The following ATE1 variants were observed in gnomAD, a reference collection of about 807,000 sequenced individuals.
ATE1 encodes arginyl-tRNA--protein transferase 1.
ATE1 carries 36 observed loss-of-function variants against 70.5 expected under a neutral mutation model. The observed-to-expected ratio is 0.51, with a 90% CI of 0.39 to 0.67. The LOEUF is 0.67. Among genes scored for constraint, ATE1 ranks in the 30% least tolerant of loss-of-function variants. ATE1 has a pLI of 0.00. For missense variants in ATE1, 593 were observed against 629.5 expected (o/e 0.94, Z 0.62); for synonymous variants, 232 against 219.3 (o/e 1.06, Z -0.51).
At chr10:121,858,654 C>T (rs985841596) in intron 8 of ATE1, among the ~76,000 whole-genome samples, 570 of 13,142 alleles carry the variant, frequency 0.043, 8 homozygotes, top group Non-Finnish European at 0.051. Context: ...ATATTTTATA[C>T]ATATAATATA....
chr10:121,911,300 C>A (rs1012268311), intron 4 of ATE1, 149 bp from the exon 5 acceptor site: 22 of 1,019,394 alleles, frequency 2.2e-5, no homozygotes, highest in Middle Eastern at 3.0e-4. Flanking sequence ...AAGAGAGCTG[C>A]ACTTAAGACT....
intron 11 of ATE1, among the ~76,000 whole-genome samples, chr10:121,760,824 G>T (rs944408436): frequency 2.6e-5 from 4 of 152,224 alleles, no homozygotes; most frequent in African/African-American, 7.2e-5. Context: ...GAATGGAAGA[G>T]TTAACTGATG....
chr10:121,898,523 A>G (rs1221556510), intron 7 of ATE1, among the ~76,000 whole-genome samples: 2 of 152,182 alleles, frequency 1.3e-5, no homozygotes, highest in Non-Finnish European at 2.9e-5. Flanking sequence ...TCTTGAAGAC[A>G]GAGACTCCTT....
intron 7 of ATE1, among the ~76,000 whole-genome samples, chr10:121,879,131 A>G (rs1449641653): frequency 6.6e-6 from 1 of 151,654 alleles, no homozygotes; most frequent in Non-Finnish European, 1.5e-5. Context: ...TTTTTAAAAA[A>G]ACTTTCACAA....
intron 7 of ATE1, among the ~76,000 whole-genome samples, chr10:121,875,187 T>C (rs1950004345): frequency 6.8e-6 from 1 of 147,836 alleles, no homozygotes; most frequent in Non-Finnish European, 1.5e-5. Flanking sequence ...TACACTCCAA[T>C]ATAGTTAAAC....
chr10:121,896,207 A>C (rs757676623), intron 7 of ATE1, among the ~76,000 whole-genome samples: 2 of 152,222 alleles, frequency 1.3e-5, no homozygotes, highest in Non-Finnish European at 2.9e-5. Flanking sequence ...CAATTTCTTT[A>C]GCAAGAACAT....
Position 121,927,914 on chromosome 10 carries a change from C to T in ATE1, c.36G>A (p.Val12=), listed in dbSNP as rs1952169042. The T allele has an allele frequency of 1.9e-6, 3 of 1,589,812 alleles. No homozygotes were observed. The highest frequency in any genetic ancestry group is 2.6e-6 in the Non-Finnish European group (3 of 1,170,964). The change falls in exon 1 of 12, where the codon GTG becomes GTA. Residue 12 remains valine (V), a synonymous_variant. Transcript: ENST00000224652. ...AFWAGGSPSV[V]DYFPSEDFYR... ...AGAAGTCCTCGCTAGGGAAATAGTC[C>T]ACGACGCTGGGCGAACCCCCCGCCC...
intron 10 of ATE1, among the ~76,000 whole-genome samples, chr10:121,822,574 G>A (rs1441801097): frequency 1.3e-5 from 2 of 152,168 alleles, no homozygotes; most frequent in East Asian, 1.9e-4. Context: ...AGGTAGGTAA[G>A]AGACACGAAT....
intron 10 of ATE1, among the ~76,000 whole-genome samples, chr10:121,822,426 G>C (rs1947835739): frequency 6.6e-6 from 1 of 152,152 alleles, no homozygotes; most frequent in Non-Finnish European, 1.5e-5. Flanking sequence ...TGGGGTGCTG[G>C]GCACCTTCTG....
At chr10:121,805,906 C>T (rs1947076973) in intron 10 of ATE1, among the ~76,000 whole-genome samples, 1 of 152,164 alleles carries the variant, frequency 6.6e-6, no homozygotes, top group South Asian at 2.1e-4. Context: ...AGTGGAGAGT[C>T]TGGTAGATGT....
At chr10:121,839,779 T>C (rs1035758176) in intron 9 of ATE1, among the ~76,000 whole-genome samples, 1 of 152,170 alleles carries the variant, frequency 6.6e-6, no homozygotes, top group African/African-American at 2.4e-5. Context: ...GAACTTTATA[T>C]TGTGGGCCAC....
chr10:121,820,552 T>C (rs1174248516), intron 10 of ATE1, among the ~76,000 whole-genome samples: 4 of 152,220 alleles, frequency 2.6e-5, no homozygotes, highest in African/African-American at 7.2e-5. Context: ...AAAGAGGTCC[T>C]CATGGTTTGC....
chr10:121,745,465 C>T (rs1944314608), intron 11 of ATE1, among the ~76,000 whole-genome samples: 2 of 152,172 alleles, frequency 1.3e-5, no homozygotes, highest in South Asian at 2.1e-4. Context: ...GCCTGTAATC[C>T]CAGCACTTTG....
intron 3 of ATE1, 51 bp from the exon 4 acceptor site, chr10:121,913,944 T>G (rs1951543461): frequency 7.0e-7 from 1 of 1,422,650 alleles, no homozygotes; most frequent in African/African-American, 1.4e-5. Flanking sequence ...CTTGAAGAAA[T>G]GAAATCAGTT....
chr10:121,912,885 C>T (rs904425403), intron 4 of ATE1, among the ~76,000 whole-genome samples: 1 of 129,354 alleles, frequency 7.7e-6, no homozygotes, highest in Non-Finnish European at 1.8e-5. Flanking sequence ...CGGGCGTGCA[C>T]CACGAAGCTC....
At chr10:121,819,960 A>G (rs987190981) in intron 10 of ATE1, among the ~76,000 whole-genome samples, 15 of 152,052 alleles carry the variant, frequency 9.9e-5, no homozygotes, top group African/African-American at 3.4e-4. Context: ...AGCCTGGCCA[A>G]CATGGTGAAA....
intron 8 of ATE1, among the ~76,000 whole-genome samples, chr10:121,865,856 C>T (rs551717297): frequency 9.2e-4 from 140 of 152,312 alleles, no homozygotes; most frequent in Middle Eastern, 3.4e-3. Flanking sequence ...TATAACCTGA[C>T]AATTTCATTA....
At chr10:121,803,050 C>T (rs1278202429) in intron 10 of ATE1, among the ~76,000 whole-genome samples, 1 of 152,148 alleles carries the variant, frequency 6.6e-6, no homozygotes, top group Non-Finnish European at 1.5e-5. Context: ...GAGGCCTATT[C>T]TAGAACTTAA....
chr10:121,880,731 C>G (rs970045850), intron 7 of ATE1, among the ~76,000 whole-genome samples: 1 of 151,912 alleles, frequency 6.6e-6, no homozygotes, highest in Admixed American at 6.6e-5. Context: ...AAATCAACTG[C>G]TTTTTAATCA....
Sources: allele counts gnomAD v4.1 joint callset (sites outside exome capture counted in the v4.1 genomes callset), GRCh38; gene constraint gnomAD v4.1.1; transcripts MANE v1.5; gene names NCBI Gene and HGNC (gene_info 2026-07-23, HGNC 2026-07-21).